CNNM1: variants seen among roughly 807,000 people sequenced by gnomAD.
CNNM1 encodes the protein cyclin and CBS domain divalent metal cation transport mediator 1, also known as metal transporter CNNM1.
A neutral mutation model predicts 78.8 loss-of-function variants in CNNM1; 44 were observed. The ratio of observed to expected loss-of-function variants is 0.56; its 90% CI spans 0.44 to 0.72. CNNM1 has a LOEUF of 0.72. CNNM1 is among the 30% of genes least tolerant of loss of function. The probability of loss-of-function intolerance (pLI) is 0.00; values close to 1 mark genes in which losing one functional copy is unlikely to be tolerated. For synonymous variants in CNNM1, 584 were observed against 581.5 expected, an observed-to-expected ratio of 1.00 and a Z score of -0.06; for missense variants, 1,101 against 1,292.2, an observed-to-expected ratio of 0.85 and a Z score of 2.27.
intron 7 of CNNM1, among the ~76,000 whole-genome samples, chr10:99,377,702 T>C (rs888200717): frequency 6.6e-6 from 1 of 152,216 alleles, no homozygotes; most frequent in Non-Finnish European, 1.5e-5. Flanking sequence ...TGTGATAATA[T>C]AATTTTATAC....
intron 7 of CNNM1, 65 bp downstream of exon 7, chr10:99,377,283 A>C: frequency 6.8e-7 from 1 of 1,473,558 alleles, no homozygotes; most frequent in South Asian, 1.2e-5. Flanking sequence ...TGAGCGGGAC[A>C]AGAAGACTAC....
In CNNM1 at chr10:99,357,493, G is replaced by A. The variant is rs770346821; in HGVS notation, c.1574-19G>A. 3.1e-6 allele frequency: 5 copies of A among 1,604,050 alleles called. No homozygotes were observed. The highest frequency in any genetic ancestry group is 2.2e-5 in the East Asian group (1 of 44,798). On this transcript the variant is annotated intron_variant, in intron 1 of 10. Transcript: ENST00000356713. Reference sequence around the variant, plus strand: ...GAAAATGTCCCCGATACTTAACTGTGATTTCATTTGTTCTCTAGGAAAATC... The same window carrying A: ...GAAAATGTCCCCGATACTTAACTGTAATTTCATTTGTTCTCTAGGAAAATC...
Position 99,329,994 on chromosome 10 carries a change from T to C in CNNM1, c.607T>C (p.Phe203Leu). The C allele has an allele frequency of 7.1e-7, 1 of 1,398,772 alleles. No individual in the cohort carries two copies. Among genetic ancestry groups the C allele is most frequent in the Non-Finnish European group, 9.2e-7 (1 of 1,088,250 alleles). The allele number at this position is 1,398,772 out of a possible 1,614,324, so 86.6% of individuals were successfully genotyped here. A position where few individuals can be genotyped will look rare whatever the true frequency, so the allele number is the denominator to read the frequency against. Reference protein sequence around the residue: ...AWHHHGAAGGFLLRVRPRLYG... With the variant: ...AWHHHGAAGGLLLRVRPRLYG... ...GCACCACCACGGCGCCGCCGGCGGC[T>C]TCCTGCTGCGCGTTCGCCCGCGGTT... The change falls in exon 1 of 11, where the codon TTC (phenylalanine) becomes CTC (leucine). Residue 203 changes from phenylalanine (F) to leucine (L), a missense_variant. By Grantham distance (22) the Phe-to-Leu change is conservative. Coordinates refer to ENST00000356713, the MANE Select transcript of CNNM1 (RefSeq NM_020348.3).
rs367866402 is a variant in CNNM1 at position 99,388,181 on chromosome 10, A to G, written c.2554A>G (p.Ser852Gly). ...CCGCTCAGACGGGCTGAGAAGCCCC[A>G]GCGAGGTAGTGTACCTGAGGATGGA... The part of the protein sequence containing the change: ...CSRSDGLRSP[S>G]EVVYLRMEEL... The change falls in exon 9 of 11, where the codon AGC becomes GGC. Residue 852 changes from serine to glycine, a missense_variant. Around this residue, in one of 3 missense-constraint regions of CNNM1, gnomAD observed 348 missense variants for 384.5 expected, o/e 0.90. Transcript: ENST00000356713. 1,967 of 1,613,958 alleles carry G rather than the reference A, an allele frequency of 1.2e-3. 30 individuals carry two copies. In the South Asian group the frequency reaches 0.021, roughly 17 times the overall value.
At chr10:99,337,625 A>G (rs1420069622) in intron 1 of CNNM1, among the ~76,000 whole-genome samples, 1 of 152,240 alleles carries the variant, frequency 6.6e-6, no homozygotes, top group Non-Finnish European at 1.5e-5. Context: ...TTTTATGTGC[A>G]TATCTCAATC....
chr10:99,347,527 A>G (rs2030747332), intron 1 of CNNM1, among the ~76,000 whole-genome samples: 1 of 150,082 alleles, frequency 6.7e-6, no homozygotes, highest in South Asian at 2.1e-4. Flanking sequence ...CTCAAAAAAC[A>G]AAACAAAACA....
intron 1 of CNNM1, among the ~76,000 whole-genome samples, chr10:99,351,565 T>C (rs1007014224): frequency 5.9e-5 from 9 of 152,076 alleles, no homozygotes; most frequent in African/African-American, 1.7e-4. Context: ...TCCCTGAGAG[T>C]TGATGAGGTT....
chr10:99,383,464 A>C (rs376427071), intron 7 of CNNM1, among the ~76,000 whole-genome samples: 11 of 152,140 alleles, frequency 7.2e-5, no homozygotes, highest in African/African-American at 2.6e-4. Context: ...AGTAGAGACA[A>C]GGTTTCACCA....
At position 99,330,709 on chromosome 10, in the gene CNNM1, T is replaced by C; in HGVS notation, c.1322T>C (p.Met441Thr). ...CTGACCCCCCTGGGAGACTGCTTCA[T>C]GCTGCGCTCAGACGCGGTGCTCGAC... ...EVLTPLGDCF[M>T]LRSDAVLDFA... Residue 441 changes from methionine (M) to threonine (T), a missense_variant, in exon 1 of 11, where the codon ATG becomes ACG. Physicochemically the swap from Met to Thr is moderately conservative, Grantham distance 81. Around this residue, in one of 3 missense-constraint regions of CNNM1, gnomAD observed 277 missense variants for 423.2 expected, o/e 0.65. Coordinates refer to ENST00000356713, the MANE Select transcript of CNNM1 (RefSeq NM_020348.3). 1.9e-6 allele frequency: 3 copies of C among 1,614,024 alleles called. No homozygotes were observed. The highest frequency in any genetic ancestry group is 2.5e-6 in the Non-Finnish European group (3 of 1,179,884).
intron 7 of CNNM1, among the ~76,000 whole-genome samples, chr10:99,385,134 G>A (rs2032271063): frequency 6.6e-6 from 1 of 151,986 alleles, no homozygotes; most frequent in Non-Finnish European, 1.5e-5. Flanking sequence ...AAATAAATTA[G>A]TTAAATAATA....
chr10:99,360,236 G>T (rs976469102), intron 2 of CNNM1, among the ~76,000 whole-genome samples: 2 of 152,126 alleles, frequency 1.3e-5, no homozygotes, highest in Non-Finnish European at 2.9e-5. Context: ...GGTGGTGGCC[G>T]CCCTCCTTCC....
intron 7 of CNNM1, among the ~76,000 whole-genome samples, chr10:99,382,330 T>G (rs1312551410): frequency 6.6e-6 from 1 of 152,218 alleles, no homozygotes; most frequent in African/African-American, 2.4e-5. Context: ...GTGTTCTGTG[T>G]CATCATTAAG....
intron 7 of CNNM1, among the ~76,000 whole-genome samples, chr10:99,384,131 C>G (rs2862608): frequency 0.55 from 83,541 of 151,970 alleles, 26,397 homozygotes; most frequent in Non-Finnish European, 0.71. Context: ...CGACGGGACT[C>G]ACGTTACATT....
intron 1 of CNNM1, among the ~76,000 whole-genome samples, chr10:99,356,474 C>CAGAA (rs1203250516): frequency 6.7e-5 from 6 of 89,150 alleles, no homozygotes; most frequent in African/African-American, 1.0e-4. Context: ...GACTCCATCT[C>CAGAA]AGAAAGAAAG....
intron 1 of CNNM1, among the ~76,000 whole-genome samples, chr10:99,355,695 T>C (rs1345119263): frequency 6.6e-6 from 1 of 152,202 alleles, no homozygotes; most frequent in East Asian, 1.9e-4. Flanking sequence ...CCAGCTTTGC[T>C]CTTACAGGCT....
intron 1 of CNNM1, among the ~76,000 whole-genome samples, chr10:99,356,866 G>A (rs1333686846): frequency 1.3e-5 from 2 of 152,200 alleles, no homozygotes; most frequent in Admixed American, 6.5e-5. Flanking sequence ...TTCTTACAAT[G>A]TTCTTGCAGC....
chr10:99,363,412 CTT>C (rs1022105640), intron 4 of CNNM1, among the ~76,000 whole-genome samples: 163 of 152,202 alleles, frequency 1.1e-3, no homozygotes, highest in African/African-American at 3.9e-3. Context: ...TGAATATAAA[CTT>C]AACGGTTTTC....
rs780477295 is a variant in CNNM1, at chr10:99,360,830, C to A, written c.1718-5C>A. ...AGCTGTAATCTGTCCTCTGTGACCC[C>A]ACAGCTGACAATCGGAAAAAGCAGA... On this transcript the variant is annotated splice_region_variant and splice_polypyrimidine_tract_variant and intron_variant, in intron 2 of 10. Coordinates refer to ENST00000356713, the MANE Select transcript of CNNM1 (RefSeq NM_020348.3). The A allele has an allele frequency of 5.6e-6, 9 of 1,598,206 alleles. No homozygotes were observed. In the East Asian group the frequency reaches 9.0e-5, roughly 16 times the overall value.
chr10:99,366,341 T>G (rs1264938688), intron 6 of CNNM1, among the ~76,000 whole-genome samples: 5 of 152,172 alleles, frequency 3.3e-5, no homozygotes, highest in South Asian at 4.1e-4. Flanking sequence ...CATTAGGGAC[T>G]ACTCCTGGGA....
Sources: gnomAD v4.1 joint callset for allele counts (sites outside exome capture counted in the v4.1 genomes callset) on GRCh38, gnomAD v4.1.1 for gene constraint, gnomAD v4.1.1 regional missense constraint, MANE v1.5 for transcripts, NCBI Gene and HGNC (gene_info 2026-07-23, HGNC 2026-07-21) for gene names.